SPATA24: variants seen among roughly 807,000 people sequenced by gnomAD.
SPATA24 encodes spermatogenesis-associated protein 24.
A neutral mutation model predicts 28.9 loss-of-function variants in SPATA24; 21 were observed. The observed-to-expected ratio is 0.73, with a 90% CI of 0.52 to 1.05. The LOEUF (loss-of-function observed/expected upper bound fraction) is 1.05. Among genes scored for constraint, SPATA24 ranks in the 50% least tolerant of loss-of-function variants. The pLI, the probability that SPATA24 is intolerant of heterozygous loss-of-function variation, is 0.00. For missense variants in SPATA24, 215 were observed against 242.9 expected, an observed-to-expected ratio of 0.88 and a Z score of 0.76; for synonymous variants, 76 against 89.9, an observed-to-expected ratio of 0.85 and a Z score of 0.88.
At chr5:139,393,910 C>T (rs751175560), downstream of SPATA24, 2 of 1,551,064 alleles carry the variant, frequency 1.3e-6, no homozygotes, top group South Asian at 2.4e-5. Context: ...GGACGGGCTC[C>T]TTGGCCTCAC....
chr5:139,398,756 G>A (rs1303599540), intron 4 of SPATA24, among the ~76,000 whole-genome samples: 8 of 151,368 alleles, frequency 5.3e-5, no homozygotes, highest in Non-Finnish European at 1.0e-4. Context: ...AGGCACAGTG[G>A]CTCATGCCTG....
chr5:139,401,929 C>A lies in SPATA24; in HGVS notation c.300G>T (p.Leu100=), dbSNP rs1490796622. The A allele has an allele frequency of 8.4e-6, 13 of 1,551,696 alleles. No homozygotes were observed. In the East Asian group the frequency reaches 2.7e-4, roughly 32 times the overall value. The change falls in exon 3 of 6, where the codon CTG becomes CTT. Residue 100 remains leucine, a synonymous_variant. Coordinates refer to ENST00000450845, the MANE Select transcript of SPATA24 (RefSeq NM_194296.2). ...VLSKQLEKEK[L]AFEKALSSVK... ...GGCCCACTCACGCTTTTTCAAAGGC[C>A]AGCTTCTCTTTCTCCAGCTGCTTGG... is the stretch of plus-strand genomic sequence containing the variant.
downstream of SPATA24, chr5:139,395,100 G>C (rs1758676015): frequency 7.2e-7 from 1 of 1,391,016 alleles, no homozygotes; most frequent in Non-Finnish European, 9.3e-7. Flanking sequence ...CGGACGCCGT[G>C]CACTATCTCC....
downstream of SPATA24, chr5:139,394,385 G>A: frequency 7.1e-7 from 1 of 1,398,944 alleles, no homozygotes; most frequent in South Asian, 1.6e-5. Context: ...GAACCGGTGC[G>A]CAGGAGCAGC....
chr5:139,402,067 C>A, intron 2 of SPATA24, 22 bp from the exon 3 acceptor site: 1 of 1,548,786 alleles, frequency 6.5e-7, no homozygotes, highest in Non-Finnish European at 8.7e-7. Flanking sequence ...GCAGCAGTCA[C>A]CTCATTACCC....
At chr5:139,394,922 C>T (rs1352167101), downstream of SPATA24, 3 of 1,519,706 alleles carry the variant, frequency 2.0e-6, no homozygotes, top group East Asian at 2.6e-5. Context: ...GGCCAATTCG[C>T]TGGGCCTTTC....
intron 1 of SPATA24, 143 bp from the exon 2 acceptor site, chr5:139,402,836 C>A: frequency 1.5e-6 from 1 of 667,146 alleles, no homozygotes; most frequent in South Asian, 1.7e-5. Flanking sequence ...GAATTCAGTT[C>A]CACAGATAAA....
At chr5:139,394,994 A>G (rs1758673116), downstream of SPATA24, 1 of 1,497,170 alleles carries the variant, frequency 6.7e-7, no homozygotes, top group Admixed American at 2.4e-5. Context: ...GAGCCTGACG[A>G]ACCGGAGGAG....
downstream of SPATA24, chr5:139,394,347 C>T (rs747284486): frequency 2.2e-5 from 31 of 1,432,282 alleles, 1 homozygote; most frequent in South Asian, 3.7e-4. Flanking sequence ...CCGCGGCGGC[C>T]TGCAGGGGGC....
chr5:139,403,905 T>C (rs754923206), intron 1 of SPATA24, 39 bp downstream of exon 1: 3 of 1,516,880 alleles, frequency 2.0e-6, no homozygotes, highest in Non-Finnish European at 2.7e-6. Flanking sequence ...CAGTGAGGCA[T>C]CCGGCCCCGC....
chr5:139,396,765 G>A (rs1437604414), downstream of SPATA24: 1 of 1,551,616 alleles, frequency 6.4e-7, no homozygotes. Flanking sequence ...AGAGGCTGGG[G>A]ATTACAGCCA....
At chr5:139,392,874 A>C, downstream of SPATA24, 1 of 1,544,392 alleles carries the variant, frequency 6.5e-7, no homozygotes, top group Middle Eastern at 1.7e-4. This position sits in a 1 kb window ranked among gnomAD's most constrained non-coding sequence, Gnocchi z 5.8. Context: ...CCAGGGCCCC[A>C]GGCAGGCGGA....
chr5:139,401,408 C>T (rs1758817363), intron 4 of SPATA24: 2 of 595,488 alleles, frequency 3.4e-6, no homozygotes, highest in Non-Finnish European at 6.0e-6. Context: ...GATCAGGTCC[C>T]AAATAGGACA....
In SPATA24 at chr5:139,397,091, A is replaced by AGAATGAG; in HGVS notation, c.437_438insCTCATTC (p.Glu147SerfsTer3). On this transcript the variant is annotated frameshift_variant, in exon 5 of 6. Transcript: ENST00000450845. LOFTEE classifies it high-confidence loss of function. ...TAACTTGCTGCAACTCTTTAATCTC[A>AGAATGAG]TTCTCTTTGCCATTAAGTATATCTT... 5 of 1,551,818 alleles carry AGAATGAG rather than the reference A, an allele frequency of 3.2e-6. No homozygotes were observed. The highest frequency in any genetic ancestry group is 4.4e-6 in the Non-Finnish European group (5 of 1,146,974).
downstream of SPATA24, chr5:139,393,667 G>C (rs754746721): frequency 3.2e-6 from 5 of 1,550,828 alleles, no homozygotes; most frequent in Admixed American, 3.9e-5. Context: ...GGCTTCGAGG[G>C]ACGGGCTCCT....
intron 4 of SPATA24, among the ~76,000 whole-genome samples, chr5:139,399,698 A>C (rs1391135227): frequency 6.6e-6 from 1 of 152,226 alleles, no homozygotes; most frequent in African/African-American, 2.4e-5. Flanking sequence ...AAACCACACA[A>C]GGGGAGTTTG....
chr5:139,402,552 A>G, intron 2 of SPATA24, 76 bp downstream of exon 2: 1 of 1,346,050 alleles, frequency 7.4e-7, no homozygotes. Context: ...AGAGGCTAAT[A>G]CTTAATGAGC....
chr5:139,402,386 T>C (rs545561266), intron 2 of SPATA24, among the ~76,000 whole-genome samples: 18 of 150,376 alleles, frequency 1.2e-4, no homozygotes, highest in Non-Finnish European at 2.1e-4. Context: ...GCTTGGCTAA[T>C]ATATATATAT....
At chr5:139,392,823 C>T, downstream of SPATA24, 1 of 1,520,912 alleles carries the variant, frequency 6.6e-7, no homozygotes, top group Non-Finnish European at 8.8e-7. This position sits in a 1 kb window ranked among gnomAD's most constrained non-coding sequence, Gnocchi z 5.8. Context: ...CAGGGCCGCG[C>T]GCTCGCACTC....
Sources: gnomAD v4.1 joint callset for allele counts (sites outside exome capture counted in the v4.1 genomes callset) on GRCh38, gnomAD v4.1.1 for gene constraint, Gnocchi (gnomAD v3.1) non-coding constraint, MANE v1.5 for transcripts, NCBI Gene and HGNC (gene_info 2026-07-23, HGNC 2026-07-21) for gene names.